XRN1: variants seen among roughly 807,000 people sequenced by gnomAD.
The protein encoded by XRN1 is 5'-3' exoribonuclease 1.
In XRN1, 67 loss-of-function variants were observed where a neutral mutation model predicts 222.3. That is an observed-to-expected ratio of 0.30 (90% CI 0.25 to 0.37). The LOEUF (loss-of-function observed/expected upper bound fraction) is 0.37, where lower values mean the gene tolerates loss of function less well. XRN1 is among the 10% of genes least tolerant of loss of function. The pLI is 1.00. For synonymous variants in XRN1, 643 were observed against 652.4 expected (o/e 0.99, Z 0.22); for missense variants, 1,707 against 2,000.2 (o/e 0.85, Z 2.80).
At chr3:142,355,977 T>C (rs978183461) in intron 31 of XRN1, among the ~76,000 whole-genome samples, 19 of 152,190 alleles carry the variant, frequency 1.2e-4, no homozygotes, top group African/African-American at 4.6e-4. Flanking sequence ...CTCAGCATAG[T>C]AATCACAAAA....
In XRN1 at chr3:142,309,891, A is replaced by C. The variant is rs996022204; in HGVS notation, c.*1620T>G. 1 of 152,384 alleles carries C rather than the reference A, an allele frequency of 6.6e-6. No homozygotes were observed. The highest frequency in any genetic ancestry group is 2.4e-5 in the African/African-American group (1 of 41,472). 9.4% of individuals were successfully genotyped at this position (152,384 alleles called of 1,614,324 possible). ...ACAAAGAGAGAGTTTATGAGGCAATAATTATACACATTGAGGATTTACTTG... is the reference window on the plus strand; with the variant it reads ...ACAAAGAGAGAGTTTATGAGGCAATCATTATACACATTGAGGATTTACTTG... On this transcript the variant is annotated 3_prime_UTR_variant, in exon 41 of 41. Coordinates refer to ENST00000392981, the MANE Select transcript of XRN1 (RefSeq NM_001282857.2).
chr3:142,429,053 G>T (rs1486554653), intron 2 of XRN1, among the ~76,000 whole-genome samples: 1 of 151,750 alleles, frequency 6.6e-6, no homozygotes, highest in African/African-American at 2.4e-5. Flanking sequence ...AGGAAAGGGA[G>T]AAGCTCAAGA....
chr3:142,327,515 A>T (rs1577225945), intron 37 of XRN1, among the ~76,000 whole-genome samples: 3 of 144,660 alleles, frequency 2.1e-5, no homozygotes, highest in Non-Finnish European at 1.5e-5. Context: ...AGGTTTGTTG[A>T]TTTTGCTTAT....
At chr3:142,405,654 A>T (rs576010896) in intron 15 of XRN1, among the ~76,000 whole-genome samples, 69 of 152,348 alleles carry the variant, frequency 4.5e-4, no homozygotes, top group Non-Finnish European at 7.9e-4. Context: ...ACTAGTACTG[A>T]CACTACAAGA....
chr3:142,437,038 C>T (rs1017227115), intron 1 of XRN1, among the ~76,000 whole-genome samples: 2 of 152,054 alleles, frequency 1.3e-5, no homozygotes, highest in Non-Finnish European at 2.9e-5. Flanking sequence ...TTGAAAAATT[C>T]TCTTAGGTTT....
chr3:142,443,249 C>T (rs2070326787), intron 1 of XRN1, among the ~76,000 whole-genome samples: 1 of 152,166 alleles, frequency 6.6e-6, no homozygotes, highest in Admixed American at 6.5e-5. Flanking sequence ...TACTACGTGC[C>T]AATTCAGCAG....
rs574071732 is a variant in XRN1 at position 142,332,587 on chromosome 3, A to T, written c.4063-53T>A. 8.1e-5 allele frequency: 119 copies of T among 1,476,010 alleles called. No homozygotes were observed. In the African/African-American group the frequency reaches 1.5e-3, roughly 19 times the overall value. The allele number at this position is 1,476,010 out of a possible 1,614,324, so 91.4% of individuals were successfully genotyped here. ...GGTGAGGGTGAAGAGAACAAAGTCA[A>T]CATTACATCTGTAGAACTTATTGAT... On this transcript the variant is annotated intron_variant, in intron 35 of 40. Transcript: ENST00000392981.
At chr3:142,364,273 A>G (rs1323678910) in intron 29 of XRN1, among the ~76,000 whole-genome samples, 1 of 152,172 alleles carries the variant, frequency 6.6e-6, no homozygotes, top group Non-Finnish European at 1.5e-5. Flanking sequence ...CCTGGGATAT[A>G]TATAGAGGAA....
rs1468235121 is a variant in XRN1 at position 142,355,914 on chromosome 3, C to T, written c.3673-418G>A. Among the ~76,000 whole-genome samples, 4 of 152,084 alleles carry T rather than the reference C, an allele frequency of 2.6e-5. No homozygotes were observed. The East Asian group carries it at 7.7e-4, about 29-fold the overall frequency. ...TTACAGATGTGAGCTACCACGTCCA[C>T]CCCTAAACTAACTTTCATTATGTGA... On this transcript the variant is annotated intron_variant, in intron 31 of 40. Transcript: ENST00000392981.
intron 15 of XRN1, among the ~76,000 whole-genome samples, chr3:142,406,929 G>A (rs2068364889): frequency 6.6e-6 from 1 of 152,216 alleles, no homozygotes; most frequent in African/African-American, 2.4e-5. Flanking sequence ...GGTACAAAAT[G>A]TTTGTGAAAC....
Position 142,323,282 on chromosome 3 carries a change from GGTTTTTTTTTT to G in XRN1, c.4405-4390_4405-4380del, listed in dbSNP as rs563006097. On this transcript the variant is annotated intron_variant, in intron 37 of 40. Coordinates refer to ENST00000392981, the MANE Select transcript of XRN1 (RefSeq NM_001282857.2). Reference sequence around the variant, plus strand: ...ACCTTAAACAAAATACCACTCTTAAGGTTTTTTTTTTGTTTTTTTTTTTTAAATGGAGTTTT... The same window carrying G: ...ACCTTAAACAAAATACCACTCTTAAGGTTTTTTTTTTTTAAATGGAGTTTT... Among the ~76,000 whole-genome samples the G allele has an allele frequency of 1.3e-4, 19 of 151,142 alleles. 1 individual carries two copies. The South Asian group carries it at 3.1e-3, about 25-fold the overall frequency.
chr3:142,350,491 T>C (rs553062131), intron 32 of XRN1, among the ~76,000 whole-genome samples: 235 of 152,266 alleles, frequency 1.5e-3, no homozygotes, highest in African/African-American at 4.8e-3. Context: ...TGGCTTTTAC[T>C]CAGTGAAACG....
chr3:142,426,160 T>A (rs2069237405), intron 3 of XRN1, among the ~76,000 whole-genome samples: 1 of 152,174 alleles, frequency 6.6e-6, no homozygotes, highest in Non-Finnish European at 1.5e-5. Context: ...AAAGAACTGA[T>A]GAGAAAGTTA....
At chr3:142,394,474 C>T (rs1028372328) in intron 20 of XRN1, among the ~76,000 whole-genome samples, 4 of 152,194 alleles carry the variant, frequency 2.6e-5, no homozygotes, top group South Asian at 4.1e-4. Context: ...TAACTATTTT[C>T]AAACCTCCTT....
Position 142,399,240 on chromosome 3 carries a change from A to G in XRN1, c.2207+1204T>C, listed in dbSNP as rs866060039. ...CCTAAAATAGCTAAAACAATTCTGA[A>G]AAAAAAAAAAAAAAAAAGTGAAGTT... On this transcript the variant is annotated intron_variant, in intron 19 of 40. Transcript: ENST00000392981. 1.7e-3 allele frequency among the ~76,000 whole-genome samples: 235 copies of G among 142,376 alleles called. 1 individual carries two copies. The highest frequency in any genetic ancestry group is 5.1e-3 in the African/African-American group (185 of 35,992). The allele number at this position is 142,376 out of a possible 152,430, so 93.4% of individuals were successfully genotyped here.
intron 15 of XRN1, among the ~76,000 whole-genome samples, chr3:142,410,187 T>C (rs1577385345): frequency 6.6e-6 from 1 of 152,216 alleles, no homozygotes; most frequent in East Asian, 1.9e-4. Context: ...ATTCTTGACT[T>C]TACAGGAAAT....
chr3:142,370,442 A>T, intron 27 of XRN1, 43 bp downstream of exon 27: 1 of 1,575,884 alleles, frequency 6.3e-7, no homozygotes, highest in Non-Finnish European at 8.6e-7. Flanking sequence ...AGTCCATTTA[A>T]TTCCAAATCT....
chr3:142,382,349 C>A (rs1384481737), intron 22 of XRN1, among the ~76,000 whole-genome samples: 6 of 152,184 alleles, frequency 3.9e-5, no homozygotes, highest in Non-Finnish European at 7.3e-5. Flanking sequence ...TTCTTACATG[C>A]TACTACAGAC....
intron 29 of XRN1, among the ~76,000 whole-genome samples, chr3:142,360,294 T>C (rs1225128610): frequency 6.6e-6 from 1 of 152,218 alleles, no homozygotes. Context: ...AGAGAATATA[T>C]TATTTTGCAA....
Sources: gnomAD v4.1 joint callset for allele counts (sites outside exome capture counted in the v4.1 genomes callset) on GRCh38, gnomAD v4.1.1 for gene constraint, MANE v1.5 for transcripts, NCBI Gene and HGNC (gene_info 2026-07-23, HGNC 2026-07-21) for gene names.